PTPRC: variants seen among roughly 807,000 people sequenced by gnomAD.
PTPRC encodes receptor-type tyrosine-protein phosphatase C.
Under a neutral mutation model 155.9 loss-of-function variants are expected in PTPRC, and 44 were observed. That is an observed-to-expected ratio of 0.28 (90% CI 0.22 to 0.36). The LOEUF is 0.36. PTPRC is among the 10% of genes least tolerant of loss of function. The pLI, the probability that PTPRC is intolerant of heterozygous loss-of-function variation, is 1.00. For missense variants in PTPRC, 1,401 were observed against 1,564.6 expected (o/e 0.90, Z 1.76); for synonymous variants, 525 against 533.1 (o/e 0.98, Z 0.21).
At chr1:198,647,124 G>C (rs547011478) in intron 2 of PTPRC, among the ~76,000 whole-genome samples, 1 of 151,874 alleles carries the variant, frequency 6.6e-6, no homozygotes, top group Admixed American at 6.6e-5. Context: ...ATTATAAATT[G>C]TATTCAAATT....
At chr1:198,704,569 C>T in intron 8 of PTPRC, 71 bp downstream of exon 8, 1 of 1,612,638 alleles carries the variant, frequency 6.2e-7, no homozygotes, top group Non-Finnish European at 8.5e-7. Flanking sequence ...TTCTTTATTC[C>T]AAGCTTTCAG....
At chr1:198,743,067 C>CAAAAAAAAAAAAAAAAAAAAA (rs10628640) in intron 25 of PTPRC, among the ~76,000 whole-genome samples, 2 of 75,950 alleles carry the variant, frequency 2.6e-5, no homozygotes, top group Admixed American at 1.5e-4. Context: ...GTCAAAATAG[C>CAAAAAAAAAAAAAAAAAAAAA]AAAAAAAAAA....
chr1:198,651,062 T>A (rs1255270130), intron 2 of PTPRC, among the ~76,000 whole-genome samples: 1 of 151,812 alleles, frequency 6.6e-6, no homozygotes, highest in Non-Finnish European at 1.5e-5. Context: ...ATTAGATGTC[T>A]TTACCTAATA....
At chr1:198,645,111 A>G (rs1184846168) in intron 2 of PTPRC, among the ~76,000 whole-genome samples, 1 of 151,820 alleles carries the variant, frequency 6.6e-6, no homozygotes. Flanking sequence ...GTTGAGGGTA[A>G]CTCAGGTAAC....
In PTPRC at chr1:198,749,426, C is replaced by T. The variant is rs202065527; in HGVS notation, c.2949C>T (p.Asn983=). 3.8e-4 allele frequency: 615 copies of T among 1,608,800 alleles called. 5 individuals are homozygous for T. The Middle Eastern group carries it at 4.2e-3, about 11-fold the overall frequency. The change falls in exon 28 of 33, where the codon AAC becomes AAT. Residue 983 remains asparagine, a synonymous_variant. Coordinates refer to ENST00000442510, the MANE Select transcript of PTPRC (RefSeq NM_002838.5). ...ATTTATTTCACATAGATGACTATAA[C>T]AGAGTGCCACTTAAACATGAGCTGG... ...RNSNVIPYDY[N]RVPLKHELEM...
intron 2 of PTPRC, among the ~76,000 whole-genome samples, chr1:198,661,066 A>G (rs1663934704): frequency 6.6e-6 from 1 of 152,172 alleles, no homozygotes; most frequent in African/African-American, 2.4e-5. Flanking sequence ...AACTACATTA[A>G]GAAAAAAAGA....
At chr1:198,704,602 A>C in intron 8 of PTPRC, 104 bp downstream of exon 8, 16 of 1,598,668 alleles carry the variant, frequency 1.0e-5, no homozygotes, top group Non-Finnish European at 1.4e-5. Flanking sequence ...AGCTAAACTC[A>C]CTGGCTCTAA....
chr1:198,693,131 A>C, intron 3 of PTPRC: 1 of 948,780 alleles, frequency 1.1e-6, no homozygotes. Flanking sequence ...AATTCCAACT[A>C]ACGTACATTC....
chr1:198,755,981 C>CATTT lies in PTPRC; in HGVS notation c.3723_3724insTTAT (p.Gln1242LeufsTer5). 1 of 1,613,114 alleles carries CATTT rather than the reference C, an allele frequency of 6.2e-7. No individual in the cohort carries two copies. Among genetic ancestry groups the CATTT allele is most frequent in the Non-Finnish European group, 8.5e-7 (1 of 1,179,456 alleles). On this transcript the variant is annotated frameshift_variant, in exon 33 of 33. Transcript: ENST00000442510. LOFTEE classifies it low-confidence loss of function (END_TRUNC). ...GAATGGACAAGTAAAGAAAAACAAC[C>CATTT]ATCAAGAAGATAAAATTGAATTTGA...
chr1:198,716,293 G>A (rs963499180), intron 12 of PTPRC, among the ~76,000 whole-genome samples: 3 of 152,036 alleles, frequency 2.0e-5, no homozygotes, highest in African/African-American at 7.2e-5. Flanking sequence ...AAGTTTGGAG[G>A]TTACATATCA....
intron 3 of PTPRC, chr1:198,693,286 A>T: frequency 2.1e-6 from 1 of 480,358 alleles, no homozygotes; most frequent in Non-Finnish European, 2.7e-6. Flanking sequence ...TTATTTTTAA[A>T]GAAGGTCTAA....
Position 198,741,992 on chromosome 1 carries a change from A to G in PTPRC, c.2527A>G (p.Asn843Asp). The change falls in exon 24 of 33, where the codon AAT becomes GAT. Residue 843 changes from asparagine (N) to aspartate (D), a missense_variant. Transcript: ENST00000442510. ...GAGAAGGAGAGTGAATGCCTTCAGCAATTTCTTCAGTGGTCCCATTGTGGT... is the reference window on the plus strand; with the variant it reads ...GAGAAGGAGAGTGAATGCCTTCAGCGATTTCTTCAGTGGTCCCATTGTGGT... Reference protein sequence around the residue: ...KLRRRVNAFSNFFSGPIVVHC... With the variant: ...KLRRRVNAFSDFFSGPIVVHC... The G allele has an allele frequency of 6.2e-7, 1 of 1,612,022 alleles. No homozygotes were observed. The highest frequency in any genetic ancestry group is 8.5e-7 in the Non-Finnish European group (1 of 1,178,942).
intron 27 of PTPRC, among the ~76,000 whole-genome samples, chr1:198,748,686 T>C (rs534877557): frequency 3.1e-4 from 47 of 151,886 alleles, no homozygotes; most frequent in African/African-American, 7.9e-4. Flanking sequence ...GATCAAAATA[T>C]GCACAGTTTC....
Position 198,660,471 on chromosome 1 carries a change from C to G in PTPRC, c.73+21130C>G, listed in dbSNP as rs570146304. 8.7e-5 allele frequency among the ~76,000 whole-genome samples: 9 copies of G among 103,548 alleles called. No individual in the cohort carries two copies. In the South Asian group the frequency reaches 3.7e-3, roughly 42 times the overall value. The allele number at this position is 103,548 out of a possible 152,430, so 67.9% of individuals were successfully genotyped here. A position where few individuals can be genotyped will look rare whatever the true frequency, so the allele number is the denominator to read the frequency against. ...AATATGTAATTTACATAAACACACC[C>G]AAATATATGTGTGTGTGTGTGTGTG... is the stretch of plus-strand genomic sequence containing the variant. On this transcript the variant is annotated intron_variant, in intron 2 of 32. Transcript: ENST00000442510.
At chr1:198,697,793 A>G (rs999002567) in intron 4 of PTPRC, among the ~76,000 whole-genome samples, 2 of 152,232 alleles carry the variant, frequency 1.3e-5, no homozygotes, top group African/African-American at 4.8e-5. Flanking sequence ...ATATAATACC[A>G]TCACAGAAAT....
chr1:198,656,547 A>G (rs755613937), intron 2 of PTPRC, among the ~76,000 whole-genome samples: 1 of 151,984 alleles, frequency 6.6e-6, no homozygotes, highest in Non-Finnish European at 1.5e-5. Context: ...ACTGTGTATG[A>G]GCTATGAAGG....
At chr1:198,653,155 A>G (rs1663349337) in intron 2 of PTPRC, among the ~76,000 whole-genome samples, 1 of 151,792 alleles carries the variant, frequency 6.6e-6, no homozygotes, top group South Asian at 2.1e-4. Flanking sequence ...TTCAAGAACA[A>G]ATGTGTTATG....
At chr1:198,693,954 G>C (rs1188440213) in intron 3 of PTPRC, 14 of 1,510,886 alleles carry the variant, frequency 9.3e-6, no homozygotes, top group Non-Finnish European at 6.2e-6. Flanking sequence ...TAATAGGTTA[G>C]ATGTGTATAT....
chr1:198,643,342 T>A (rs1336867432), intron 2 of PTPRC, among the ~76,000 whole-genome samples: 1 of 151,484 alleles, frequency 6.6e-6, no homozygotes, highest in Non-Finnish European at 1.5e-5. Context: ...AAATCATAGA[T>A]TAAAAAAATA....
Sources: allele counts gnomAD v4.1 joint callset (sites outside exome capture counted in the v4.1 genomes callset), GRCh38; gene constraint gnomAD v4.1.1; transcripts MANE v1.5; gene names NCBI Gene and HGNC (gene_info 2026-07-23, HGNC 2026-07-21).